Variants in DNAH11 observed in about 807,000 individuals in gnomAD.
DNAH11 encodes dynein axonemal heavy chain 11.
A neutral mutation model predicts 526.0 loss-of-function variants in DNAH11; 442 were observed. That is an observed-to-expected ratio of 0.84 (90% CI 0.78 to 0.91). The LOEUF is 0.91. DNAH11 is among the 40% of genes least tolerant of loss of function. The pLI is 0.00. For missense variants in DNAH11, 6,989 were observed against 5,448.7 expected (o/e 1.28, Z -8.90); for synonymous variants, 2,461 against 1,935.9 (o/e 1.27, Z -7.12).
chr7:21,590,592 T>C (rs1255875508), intron 12 of DNAH11, among the ~76,000 whole-genome samples: 1 of 152,210 alleles, frequency 6.6e-6, no homozygotes, highest in Non-Finnish European at 1.5e-5. Context: ...CAGAGAATAG[T>C]TGACTTTATT....
chr7:21,617,984 C>G (rs1785862680), intron 23 of DNAH11, among the ~76,000 whole-genome samples: 1 of 152,180 alleles, frequency 6.6e-6, no homozygotes, highest in African/African-American at 2.4e-5. Flanking sequence ...CAGGCTGTCC[C>G]CAGGACAGCA....
intron 6 of DNAH11, among the ~76,000 whole-genome samples, chr7:21,568,599 C>G (rs1783763776): frequency 6.6e-6 from 1 of 152,114 alleles, no homozygotes; most frequent in African/African-American, 2.4e-5. Flanking sequence ...CTTAGGAGGC[C>G]TTACTCAACA....
chr7:21,854,049 A>G (rs1782737800), intron 67 of DNAH11, among the ~76,000 whole-genome samples: 2 of 152,192 alleles, frequency 1.3e-5, no homozygotes. Context: ...AATTCTGTAG[A>G]ACAGAAAACA....
intron 2 of DNAH11, among the ~76,000 whole-genome samples, chr7:21,554,636 T>A (rs902020527): frequency 9.8e-5 from 15 of 152,318 alleles, no homozygotes; most frequent in African/African-American, 3.4e-4. Context: ...GTGATAGATA[T>A]CATTTCAGCC....
intron 35 of DNAH11, among the ~76,000 whole-genome samples, chr7:21,695,639 C>T (rs1399412191): frequency 6.6e-6 from 1 of 152,182 alleles, no homozygotes; most frequent in East Asian, 1.9e-4. Flanking sequence ...CATAAAAGCC[C>T]TAGAAGAAAA....
At chr7:21,821,332 G>T (rs1325091581) in intron 65 of DNAH11, among the ~76,000 whole-genome samples, 2 of 152,146 alleles carry the variant, frequency 1.3e-5, no homozygotes, top group African/African-American at 4.8e-5. Flanking sequence ...GATGTTGGTT[G>T]ACCACGTAGA....
intron 67 of DNAH11, 46 bp downstream of exon 67, chr7:21,852,677 A>T: frequency 6.6e-7 from 1 of 1,518,208 alleles, no homozygotes; most frequent in East Asian, 2.3e-5. Flanking sequence ...GCTCTGTTCG[A>T]ATGAGACATG....
In DNAH11 at chr7:21,637,670, T is replaced by C. The variant is rs770148208; in HGVS notation, c.4785T>C (p.Asn1595=). The change falls in exon 27 of 82, where the codon AAT becomes AAC. Residue 1595 remains asparagine, a synonymous_variant. Coordinates refer to ENST00000409508, the MANE Select transcript of DNAH11 (RefSeq NM_001277115.2). ...TGTTAGAAGCAACGTGCAGACCTAA[T>C]CTCTATGAAAAACTTAAAGATTTAC... ...ENVLEATCRP[N]LYEKLKDLQS... is the part of the protein sequence containing the mutation. 43 of 1,578,196 alleles carry C rather than the reference T, an allele frequency of 2.7e-5. No individual in the cohort carries two copies. The highest frequency in any genetic ancestry group is 3.1e-5 in the Non-Finnish European group (36 of 1,161,962).
chr7:21,626,520 C>T (rs768254565), intron 25 of DNAH11, among the ~76,000 whole-genome samples: 64 of 152,098 alleles, frequency 4.2e-4, no homozygotes, highest in Non-Finnish European at 8.8e-4. Flanking sequence ...TGAAAACTCT[C>T]CGTACTGTTC....
At chr7:21,801,026 TGGG>T (rs1788963651) in intron 61 of DNAH11, 108 bp from the exon 62 acceptor site, 1 of 1,140,718 alleles carries the variant, frequency 8.8e-7, no homozygotes, top group Non-Finnish European at 1.3e-6. Context: ...CAAAGGTTAA[TGGG>T]GGGAAGAGGT....
At chr7:21,611,869 CTAGT>C (rs906295082) in intron 20 of DNAH11, among the ~76,000 whole-genome samples, 1 of 152,140 alleles carries the variant, frequency 6.6e-6, no homozygotes, top group African/African-American at 2.4e-5. Flanking sequence ...TAACATAACT[CTAGT>C]TATTTATAGT....
At chr7:21,719,201 T>C (rs1321040825) in intron 43 of DNAH11, among the ~76,000 whole-genome samples, 2 of 152,224 alleles carry the variant, frequency 1.3e-5, no homozygotes, top group African/African-American at 4.8e-5. Context: ...GCTGTTGTTT[T>C]ATAGAGTAAT....
intron 43 of DNAH11, 146 bp downstream of exon 43, chr7:21,718,071 C>A (rs965751031): frequency 1.8e-6 from 2 of 1,111,722 alleles, no homozygotes; most frequent in East Asian, 2.6e-5. Flanking sequence ...CCCCCGCCCC[C>A]GTCCCCCATG....
intron 18 of DNAH11, 59 bp from the exon 19 acceptor site, chr7:21,606,355 CATTTAATCCTAT>C: frequency 8.3e-7 from 1 of 1,202,728 alleles, no homozygotes; most frequent in Non-Finnish European, 1.2e-6. Flanking sequence ...AAATTAGAGT[CATTTAATCCTAT>C]AGGGTTGATT....
chr7:21,782,852 G>C (rs1423333002), intron 57 of DNAH11, among the ~76,000 whole-genome samples: 1 of 151,300 alleles, frequency 6.6e-6, no homozygotes, highest in African/African-American at 2.4e-5. Flanking sequence ...GGAGGTTGCA[G>C]TGAGCCGAGA....
At chr7:21,676,742 T>C (rs1024033482) in intron 30 of DNAH11, among the ~76,000 whole-genome samples, 1 of 152,222 alleles carries the variant, frequency 6.6e-6, no homozygotes, top group Non-Finnish European at 1.5e-5. Flanking sequence ...GCATATGATA[T>C]TATTACTGTT....
Position 21,750,364 on chromosome 7 carries a change from A to T in DNAH11, c.8940A>T (p.Lys2980Asn). 1 of 1,598,726 alleles carries T rather than the reference A, an allele frequency of 6.3e-7. No homozygotes were observed. The highest frequency in any genetic ancestry group is 1.1e-5 in the South Asian group (1 of 87,766). ...FFMARVRLQL[K>N]IILCFSPVGR... ...TGGCCAGGGTGCGACTACAGCTCAA[A>T]GTAAGAAATACTTGCTTAATTTGCA... Residue 2980 changes from lysine (K) to asparagine (N), a missense_variant and splice_region_variant, in exon 54 of 82, where the codon AAA becomes AAT. Lys to Asn is a moderately conservative substitution (Grantham distance 94, BLOSUM62 0). Coordinates refer to ENST00000409508, the MANE Select transcript of DNAH11 (RefSeq NM_001277115.2).
intron 40 of DNAH11, among the ~76,000 whole-genome samples, chr7:21,708,321 C>G (rs1024196051): frequency 1.3e-5 from 2 of 152,218 alleles, no homozygotes; most frequent in African/African-American, 2.4e-5. Context: ...AGGCCTCTCT[C>G]CCTCTTATAC....
At chr7:21,825,697 T>C (rs1008231917) in intron 65 of DNAH11, among the ~76,000 whole-genome samples, 2 of 152,076 alleles carry the variant, frequency 1.3e-5, no homozygotes, top group African/African-American at 2.4e-5. Context: ...TTACAAATGC[T>C]TAAAAAGTGC....
Sources: allele counts gnomAD v4.1 joint callset (sites outside exome capture counted in the v4.1 genomes callset), GRCh38; gene constraint gnomAD v4.1.1; transcripts MANE v1.5; gene names NCBI Gene and HGNC (gene_info 2026-07-23, HGNC 2026-07-21).